Variants in DENND3 observed in about 807,000 individuals in gnomAD.
DENND3 encodes DENN domain containing 3.
DENND3 carries 88 observed loss-of-function variants against 135.1 expected under a neutral mutation model. The observed-to-expected ratio is 0.65, with a 90% CI of 0.55 to 0.78. The LOEUF is 0.78. DENND3 is among the 30% of genes least tolerant of loss of function. The pLI is 0.00. For missense variants in DENND3, 1,392 were observed against 1,688.4 expected, an observed-to-expected ratio of 0.82 and a Z score of 3.08; for synonymous variants, 693 against 712.3, an observed-to-expected ratio of 0.97 and a Z score of 0.43.
intron 1 of DENND3, among the ~76,000 whole-genome samples, chr8:141,133,832 T>A (rs2154612663): frequency 6.6e-6 from 1 of 152,236 alleles, no homozygotes; most frequent in South Asian, 2.1e-4. Flanking sequence ...AGAAGCTTAA[T>A]TTTTGAGACC....
chr8:141,133,308 G>C (rs376527734), intron 1 of DENND3, among the ~76,000 whole-genome samples: 1 of 136,286 alleles, frequency 7.3e-6, no homozygotes, highest in African/African-American at 3.4e-5. Flanking sequence ...GCTCAGGGGT[G>C]CACTGTCCTG....
intron 8 of DENND3, among the ~76,000 whole-genome samples, 172 bp from the exon 9 acceptor site, chr8:141,160,460 G>A (rs757639828): frequency 3.3e-5 from 5 of 152,192 alleles, no homozygotes; most frequent in East Asian, 1.9e-4. Context: ...GATTACAGGC[G>A]TGAGCCACCG....
rs307733 is a variant in DENND3, at chr8:141,175,619, T to C, written c.2535+160T>C. ...TCCCTCAGTTTGCTCATCTGTAAAG[T>C]AGGAATAAGGCTGATACCTTCTCAG... On this transcript the variant is annotated intron_variant, in intron 14 of 22. Coordinates refer to ENST00000519811, the MANE Select transcript of DENND3 (RefSeq NM_001352890.3). The surrounding 1 kb of genome is among the most constrained non-coding windows in gnomAD (Gnocchi z 5.4). 420,339 of 1,095,962 alleles carry C rather than the reference T, an allele frequency of 0.38. 85,950 individuals carry two copies. The highest frequency in any genetic ancestry group is 0.73 in the African/African-American group (46,965 of 64,700). 67.9% of individuals were successfully genotyped at this position (1,095,962 alleles called of 1,614,324 possible). A position where few individuals can be genotyped will look rare whatever the true frequency, so the allele number is the denominator to read the frequency against.
chr8:141,174,539 A>G lies in DENND3; in HGVS notation c.2276-661A>G, dbSNP rs1822076003. On this transcript the variant is annotated intron_variant, in intron 13 of 22. Transcript: ENST00000519811. This position sits in a 1 kb window ranked among gnomAD's most constrained non-coding sequence, Gnocchi z 4.6. ...AAGCAGGTTCGTTCCGCGACTTGCC[A>G]GGAGTCTCTGTGAAAGGTCGTGAAG... Among the ~76,000 whole-genome samples, 2 of 152,138 alleles carry G rather than the reference A, an allele frequency of 1.3e-5. No individual in the cohort carries two copies. Among genetic ancestry groups the G allele is most frequent in the South Asian group, 4.1e-4 (2 of 4,826 alleles).
Position 141,163,176 on chromosome 8 carries a change from T to A in DENND3, c.1353-157T>A, listed in dbSNP as rs58062599. 7.5e-3 allele frequency among the ~76,000 whole-genome samples: 1,146 copies of A among 152,316 alleles called. 13 individuals carry two copies. The highest frequency in any genetic ancestry group is 0.026 in the African/African-American group (1,100 of 41,558). On this transcript the variant is annotated intron_variant, in intron 9 of 22. Coordinates refer to ENST00000519811, the MANE Select transcript of DENND3 (RefSeq NM_001352890.3). ...AATTTATGCTTGACCACAAAATACA[T>A]CCACATCGTATCATTTTGGTAATCA...
Position 141,167,451 on chromosome 8 carries a change from C to T in DENND3, c.1754-553C>T, listed in dbSNP as rs1388655728. 1.3e-5 allele frequency among the ~76,000 whole-genome samples: 2 copies of T among 152,172 alleles called. No individual in the cohort carries two copies. The highest frequency in any genetic ancestry group is 1.5e-5 in the Non-Finnish European group (1 of 68,032). The stretch of plus-strand genomic sequence containing the variant: ...CCCAGCACCCAGTTGGTGCCTAGCT[C>T]CTGGAGGGCCCTTAGGTAACATCTA... On this transcript the variant is annotated intron_variant, in intron 12 of 22. Coordinates refer to ENST00000519811, the MANE Select transcript of DENND3 (RefSeq NM_001352890.3). The surrounding 1 kb of genome is among the most constrained non-coding windows in gnomAD (Gnocchi z 4.1).
At position 141,139,152 on chromosome 8, in the gene DENND3, A is replaced by G. The variant is rs1456199268; in HGVS notation, c.501+1015A>G. Among the ~76,000 whole-genome samples, 1 of 152,170 alleles carries G rather than the reference A, an allele frequency of 6.6e-6. No individual in the cohort carries two copies. The highest frequency in any genetic ancestry group is 1.5e-5 in the Non-Finnish European group (1 of 68,038). ...GCCTTAATTTAGGTGCCCTGGTGCC[A>G]TGAAGGGAAGTCTGTGAGTTCCATG... On this transcript the variant is annotated intron_variant, in intron 3 of 22. Coordinates refer to ENST00000519811, the MANE Select transcript of DENND3 (RefSeq NM_001352890.3). The surrounding 1 kb of genome is among the most constrained non-coding windows in gnomAD (Gnocchi z 4.2).
rs565888972 is a variant in DENND3 at position 141,190,484 on chromosome 8, G to A, written c.3379+67G>A. ...CTGCTCTGGGAAAAGGATGCTGAAC[G>A]AGAGCAGAAAGCCTCTTTCCTTTGC... On this transcript the variant is annotated intron_variant, in intron 20 of 22. Coordinates refer to ENST00000519811, the MANE Select transcript of DENND3 (RefSeq NM_001352890.3). The A allele has an allele frequency of 1.9e-5, 28 of 1,497,530 alleles. No homozygotes were observed. The East Asian group carries it at 4.0e-4, about 22-fold the overall frequency. 92.8% of individuals were successfully genotyped at this position (1,497,530 alleles called of 1,614,324 possible).
At chr8:141,189,557 C>G (rs1329871144) in intron 19 of DENND3, among the ~76,000 whole-genome samples, 1 of 152,226 alleles carries the variant, frequency 6.6e-6, no homozygotes, top group African/African-American at 2.4e-5. Flanking sequence ...GGGAGCAGCA[C>G]TGGACACGGG....
At chr8:141,184,415 C>A (rs13279550) in intron 17 of DENND3, 10,066 of 151,998 alleles carry the variant, frequency 0.066, 487 homozygotes, top group Non-Finnish European at 0.1. Flanking sequence ...TTGCTGTGAT[C>A]GCACCTGTGA....
chr8:141,162,332 G>A (rs10100115), intron 9 of DENND3, among the ~76,000 whole-genome samples: 10,333 of 151,944 alleles, frequency 0.068, 898 homozygotes, highest in African/African-American at 0.2. Context: ...TGACAGAAAA[G>A]CAGAATAGTC....
rs778997262 is a variant in DENND3 at position 141,178,120 on chromosome 8, C to T, written c.2760C>T (p.Val920=). Residue 920 remains valine, a synonymous_variant, in exon 16 of 23, where the codon GTC becomes GTT. Coordinates refer to ENST00000519811, the MANE Select transcript of DENND3 (RefSeq NM_001352890.3). ...CCAACGTCTTGCTGATGGACGCCGT[C>T]GTGGGCACACTGCAGTCACCAGGCG... The part of the protein sequence containing the change: ...ALTNVLLMDA[V]VGTLQSPGAI... The T allele has an allele frequency of 3.1e-6, 5 of 1,613,058 alleles. No homozygotes were observed. The highest frequency in any genetic ancestry group is 4.2e-6 in the Non-Finnish European group (5 of 1,179,026).
chr8:141,180,255 T>C (rs762795497), intron 16 of DENND3, among the ~76,000 whole-genome samples: 1 of 152,220 alleles, frequency 6.6e-6, no homozygotes, highest in Admixed American at 6.5e-5. Flanking sequence ...TGCTGGGCAT[T>C]CGCCCACAGC....
chr8:141,160,897 T>C, intron 9 of DENND3, 110 bp downstream of exon 9: 1 of 1,386,438 alleles, frequency 7.2e-7, no homozygotes, highest in Non-Finnish European at 9.7e-7. Context: ...ACCATTTGCC[T>C]GGCAAACATG....
At position 141,194,133 on chromosome 8, in the gene DENND3, A is replaced by G. The variant is rs1394504583; in HGVS notation, c.3737A>G (p.His1246Arg). ...RKTVEKELVA[H>R]MDTVRTLCSA... ...ACCGTGGAGAAGGAGCTGGTGGCGC[A>G]CATGGACACCGTGAGGACGCTGTGC... The change falls in exon 23 of 23, where the codon CAC (histidine) becomes CGC (arginine). Residue 1246 changes from histidine (H) to arginine (R), a missense_variant. Coordinates refer to ENST00000519811, the MANE Select transcript of DENND3 (RefSeq NM_001352890.3). 6.2e-7 allele frequency: 1 copy of G among 1,613,944 alleles called. No individual in the cohort carries two copies.
intron 7 of DENND3, among the ~76,000 whole-genome samples, chr8:141,152,540 G>A (rs1310327065): frequency 1.3e-5 from 2 of 152,130 alleles, no homozygotes; most frequent in Non-Finnish European, 1.5e-5. Context: ...ACTCCTCCAC[G>A]TGGTAGCATC....
chr8:141,183,241 G>A (rs1166807698), intron 17 of DENND3, among the ~76,000 whole-genome samples: 1 of 152,038 alleles, frequency 6.6e-6, no homozygotes, highest in Non-Finnish European at 1.5e-5. Context: ...TATATTAAAA[G>A]CAATGACTTT....
rs139468716 is a variant in DENND3 at position 141,192,440 on chromosome 8, C to T, written c.3489C>T (p.Leu1163=). ...GTACCTCCTTCCTGGCCTTCCAGCT[C>T]CTTCCTGAGGTATCCCAGCAGGGGC... ...DTSTSFLAFQ[L]LPEEEQLWAA... Residue 1163 remains leucine (L), a synonymous_variant, in exon 21 of 23, where the codon CTC becomes CTT. Transcript: ENST00000519811. The T allele has an allele frequency of 1.8e-3, 2,935 of 1,614,228 alleles. 48 individuals are homozygous for T. The highest frequency in any genetic ancestry group is 0.011 in the East Asian group (481 of 44,888).
In DENND3 at chr8:141,144,145, C is replaced by A; in HGVS notation, c.624-3C>A. Reference sequence around the variant, plus strand: ...GGTTTGAGTTTTGTGTTTCGAATTTCAGTTTATTGGCTCTTCTGAAGCCCT... The same window carrying A: ...GGTTTGAGTTTTGTGTTTCGAATTTAAGTTTATTGGCTCTTCTGAAGCCCT... On this transcript the variant is annotated splice_region_variant and splice_polypyrimidine_tract_variant and intron_variant, in intron 4 of 22. Coordinates refer to ENST00000519811, the MANE Select transcript of DENND3 (RefSeq NM_001352890.3). This position sits in a 1 kb window ranked among gnomAD's most constrained non-coding sequence, Gnocchi z 4.4. 6.2e-7 allele frequency: 1 copy of A among 1,602,216 alleles called. No individual in the cohort carries two copies.
Sources: allele counts gnomAD v4.1 joint callset (sites outside exome capture counted in the v4.1 genomes callset), GRCh38; gene constraint gnomAD v4.1.1; non-coding constraint Gnocchi (gnomAD v3.1); transcripts MANE v1.5; gene names NCBI Gene and HGNC (gene_info 2026-07-23, HGNC 2026-07-21).